TUSC3: variants seen among roughly 807,000 people sequenced by gnomAD.
TUSC3 encodes the protein tumor suppressor candidate 3.
TUSC3 carries 45 observed loss-of-function variants against 44.8 expected under a neutral mutation model. That is an observed-to-expected ratio of 1.00 (90% CI 0.79 to 1.29). The LOEUF is 1.29. Ranked by LOEUF, TUSC3 falls within the 50% of genes most tolerant of loss-of-function variation. The probability of loss-of-function intolerance (pLI) is 0.00; values close to 1 mark genes in which losing one functional copy is unlikely to be tolerated. For synonymous variants in TUSC3, 212 were observed against 152.9 expected (o/e 1.39, Z -2.85); for missense variants, 519 against 437.9 (o/e 1.19, Z -1.65).
intron 2 of TUSC3, among the ~76,000 whole-genome samples, chr8:15,634,350 C>A (rs933513690): frequency 6.6e-6 from 1 of 152,140 alleles, no homozygotes; most frequent in African/African-American, 2.4e-5. Flanking sequence ...CTAGACAGAC[C>A]CGCAGGGAGT....
chr8:15,563,293 C>T (rs898584833), intron 1 of TUSC3, among the ~76,000 whole-genome samples: 1 of 151,968 alleles, frequency 6.6e-6, no homozygotes, highest in Non-Finnish European at 1.5e-5. Flanking sequence ...CTATGTCTCT[C>T]GATTTATTTG....
chr8:15,456,075 C>A (rs1407493896), intron 1 of TUSC3, among the ~76,000 whole-genome samples: 9 of 152,164 alleles, frequency 5.9e-5, no homozygotes, highest in Non-Finnish European at 1.3e-4. Context: ...ATTTCCCACA[C>A]CCCATGATTG....
At chr8:15,794,747 T>C in the TUSC3 span, among the ~76,000 whole-genome samples, 811 of 152,188 alleles carry the variant, frequency 5.3e-3, 8 homozygotes, top group African/African-American at 0.018. Context: ...TTTTTTATAA[T>C]TGATAGTAAG....
At chr8:15,664,259 C>T (rs1021616398) in intron 5 of TUSC3, among the ~76,000 whole-genome samples, 2 of 151,644 alleles carry the variant, frequency 1.3e-5, no homozygotes, top group Admixed American at 1.3e-4. Context: ...GTATTGTTTA[C>T]ACAAAGCTGG....
chr8:15,696,736 T>C (rs899510863), intron 6 of TUSC3, among the ~76,000 whole-genome samples: 1 of 152,216 alleles, frequency 6.6e-6, no homozygotes, highest in Non-Finnish European at 1.5e-5. Flanking sequence ...TCATCAGGGA[T>C]ATCTGTCTGT....
intron 1 of TUSC3, among the ~76,000 whole-genome samples, chr8:15,594,419 C>G (rs974952486): frequency 8.6e-5 from 13 of 151,940 alleles, no homozygotes; most frequent in Non-Finnish European, 1.3e-4. Flanking sequence ...TATTTTCCTG[C>G]TTTTTTGCAT....
At chr8:15,784,045 G>C in the TUSC3 span, among the ~76,000 whole-genome samples, 265 of 152,196 alleles carry the variant, frequency 1.7e-3, no homozygotes, top group African/African-American at 6.2e-3. Flanking sequence ...CAATGGACCC[G>C]AGTAGACATT....
intron 6 of TUSC3, among the ~76,000 whole-genome samples, chr8:15,677,555 T>G (rs1324766602): frequency 6.6e-6 from 1 of 152,218 alleles, no homozygotes; most frequent in Non-Finnish European, 1.5e-5. Context: ...TTCTGTAAAA[T>G]GAGTTGAATT....
At chr8:15,568,836 A>C (rs1802766815) in intron 1 of TUSC3, among the ~76,000 whole-genome samples, 1 of 151,950 alleles carries the variant, frequency 6.6e-6, no homozygotes, top group South Asian at 2.1e-4. Context: ...GTATTTTCAC[A>C]CTTTTTTCCA....
At chr8:15,572,690 G>T (rs1802923198) in intron 1 of TUSC3, among the ~76,000 whole-genome samples, 1 of 152,116 alleles carries the variant, frequency 6.6e-6, no homozygotes, top group African/African-American at 2.4e-5. Context: ...ATGTGACTCT[G>T]CATTTCACTT....
intron 10 of TUSC3, 94 bp from the exon 11 acceptor site, chr8:15,764,109 T>C: frequency 8.1e-7 from 1 of 1,229,426 alleles, no homozygotes; most frequent in Non-Finnish European, 1.2e-6. Flanking sequence ...TTTAATGTTA[T>C]ATTTACATGT....
chr8:15,793,169 A>C, the TUSC3 span, among the ~76,000 whole-genome samples: 1 of 151,976 alleles, frequency 6.6e-6, no homozygotes, highest in African/African-American at 2.4e-5. Flanking sequence ...ACTCTGACAT[A>C]TGCTCTCCTG....
intron 6 of TUSC3, among the ~76,000 whole-genome samples, chr8:15,720,233 C>CACCCAG: frequency 6.8e-6 from 1 of 147,322 alleles, no homozygotes; most frequent in East Asian, 2.0e-4. Flanking sequence ...CACACACACA[C>CACCCAG]AGAGAGAACA....
chr8:15,656,153 C>A (rs1197269291), intron 3 of TUSC3, among the ~76,000 whole-genome samples: 5 of 152,056 alleles, frequency 3.3e-5, no homozygotes, highest in African/African-American at 1.2e-4. Flanking sequence ...CCATCATATT[C>A]TGCCCCTAAC....
intron 2 of TUSC3, among the ~76,000 whole-genome samples, chr8:15,644,584 G>C (rs777686703): frequency 6.6e-6 from 1 of 152,210 alleles, no homozygotes; most frequent in Non-Finnish European, 1.5e-5. Context: ...TCTGTCATTA[G>C]TTAGGTTTTC....
At chr8:15,563,593 G>A (rs1419048188) in intron 1 of TUSC3, among the ~76,000 whole-genome samples, 1 of 147,082 alleles carries the variant, frequency 6.8e-6, no homozygotes, top group Non-Finnish European at 1.5e-5. Flanking sequence ...GGCTGAGGCA[G>A]AAGAATTGCT....
intron 9 of TUSC3, among the ~76,000 whole-genome samples, chr8:15,755,167 G>T (rs988030845): frequency 3.3e-5 from 5 of 152,064 alleles, no homozygotes; most frequent in African/African-American, 9.7e-5. Context: ...GGAATACCCA[G>T]CCTGCTCGTT....
chr8:15,584,937 CAT>C (rs1384388325), intron 1 of TUSC3, among the ~76,000 whole-genome samples: 1 of 151,906 alleles, frequency 6.6e-6, no homozygotes, highest in African/African-American at 2.4e-5. Context: ...TTGTAGGAGA[CAT>C]AAAGACATTG....
downstream of TUSC3, among the ~76,000 whole-genome samples, chr8:15,767,901 T>C (rs1812372603): frequency 6.6e-6 from 1 of 152,116 alleles, no homozygotes; most frequent in Non-Finnish European, 1.5e-5. Context: ...TGAAATACTT[T>C]GGAGAATAAG....
Sources: gnomAD v4.1 joint callset for allele counts (sites outside exome capture counted in the v4.1 genomes callset) on GRCh38, gnomAD v4.1.1 for gene constraint, MANE v1.5 for transcripts, NCBI Gene and HGNC (gene_info 2026-07-23, HGNC 2026-07-21) for gene names.